The following ABCB10 variants were observed in gnomAD, a reference collection of about 807,000 sequenced individuals.
The protein encoded by ABCB10 is ATP binding cassette subfamily B member 10.
Under a neutral mutation model 65.4 loss-of-function variants are expected in ABCB10, and 54 were observed. The observed-to-expected ratio is 0.83, with a 90% CI of 0.66 to 1.04. ABCB10 has a LOEUF of 1.04. ABCB10 is among the 50% of genes least tolerant of loss of function. The pLI is 0.00. For synonymous variants in ABCB10, 418 were observed against 406.5 expected (o/e 1.03, Z -0.34); for missense variants, 846 against 976.6 (o/e 0.87, Z 1.78).
intron 3 of ABCB10, among the ~76,000 whole-genome samples, chr1:229,543,130 C>CAA (rs35652910): frequency 8.3e-4 from 52 of 62,330 alleles, no homozygotes; most frequent in African/African-American, 2.1e-3. Context: ...AACTCCATCT[C>CAA]AAAAAAAAAA....
At chr1:229,521,776 T>C (rs982520504) in intron 10 of ABCB10, 141 bp from the exon 11 acceptor site, 6 of 728,610 alleles carry the variant, frequency 8.2e-6, no homozygotes, top group Admixed American at 3.1e-5. Context: ...AAACCTATTT[T>C]AAAATATAGG....
intron 6 of ABCB10, among the ~76,000 whole-genome samples, chr1:229,537,827 A>G (rs1662756224): frequency 6.6e-6 from 1 of 152,172 alleles, no homozygotes; most frequent in Non-Finnish European, 1.5e-5. Context: ...ACAAACATAA[A>G]AGCACTTAAA....
chr1:229,547,448 T>C, intron 3 of ABCB10, 51 bp downstream of exon 3: 1 of 1,601,028 alleles, frequency 6.2e-7, no homozygotes, highest in Non-Finnish European at 8.5e-7. Flanking sequence ...AGAGGCCTGG[T>C]GCAAGCCAAG....
At chr1:229,525,656 C>T (rs535756320) in intron 10 of ABCB10, among the ~76,000 whole-genome samples, 3 of 152,202 alleles carry the variant, frequency 2.0e-5, no homozygotes, top group African/African-American at 4.8e-5. Context: ...CTGGCTAACA[C>T]GGTGAAACCC....
In ABCB10 at chr1:229,558,325, C is replaced by T. The variant is rs1663313885; in HGVS notation, c.328G>A (p.Ala110Thr). 4 of 1,252,494 alleles carry T rather than the reference C, an allele frequency of 3.2e-6. No individual in the cohort carries two copies. Among genetic ancestry groups the T allele is most frequent in the African/African-American group, 1.6e-5 (1 of 62,954 alleles). 77.6% of individuals were successfully genotyped at this position (1,252,494 alleles called of 1,614,324 possible). The stretch of plus-strand genomic sequence containing the variant: ...AACCGGGCGCGCGGGAGCCGAGGAG[C>T]GCCTGGCCCGGCAAAAGCCCCGCAC... The part of the protein sequence containing the change: ...CRCGAFAGPG[A>T]PRLPRARFPG... The change falls in exon 1 of 13, where the codon GCT becomes ACT. Residue 110 changes from alanine to threonine, a missense_variant. Around this residue, in one of 2 missense-constraint regions of ABCB10, gnomAD observed 214 missense variants for 173.5 expected, o/e 1.23. Coordinates refer to ENST00000344517, the MANE Select transcript of ABCB10 (RefSeq NM_012089.3).
At chr1:229,539,321 G>T in intron 6 of ABCB10, 135 bp downstream of exon 6, 1 of 1,333,638 alleles carries the variant, frequency 7.5e-7, no homozygotes, top group Non-Finnish European at 1.1e-6. Context: ...TAAAAGCCCA[G>T]TTGGAATAAT....
chr1:229,549,428 A>G lies in ABCB10; in HGVS notation c.524T>C (p.Val175Ala). Residue 175 changes from valine to alanine, a missense_variant, in exon 2 of 13, where the codon GTT (valine) becomes GCT (alanine). Transcript: ENST00000344517. ...AACACTGGACATCGTGAGAAATCCA[A>G]CCGCAGCTAGAAAACACAAGCACTC... Reference protein sequence around the residue: ...YPERRRLAAAVGFLTMSSVIS... With the variant: ...YPERRRLAAAAGFLTMSSVIS... The G allele has an allele frequency of 6.2e-7, 1 of 1,613,532 alleles. No homozygotes were observed. The highest frequency in any genetic ancestry group is 8.5e-7 in the Non-Finnish European group (1 of 1,179,692).
At chr1:229,542,120 A>G in intron 4 of ABCB10, 117 bp downstream of exon 4, 2 of 1,329,598 alleles carry the variant, frequency 1.5e-6, no homozygotes, top group Non-Finnish European at 2.0e-6. Flanking sequence ...TTTCTAATGA[A>G]AGGAAAGGCA....
intron 1 of ABCB10, among the ~76,000 whole-genome samples, chr1:229,557,719 G>C (rs1663291783): frequency 6.6e-6 from 1 of 151,322 alleles, no homozygotes; most frequent in Non-Finnish European, 1.5e-5. Context: ...AGCAAATAAT[G>C]TGTTTTTGGT....
chr1:229,537,650 T>A lies in ABCB10; in HGVS notation c.1339+1806A>T, dbSNP rs1183267064. On this transcript the variant is annotated intron_variant, in intron 6 of 12. Transcript: ENST00000344517. The stretch of plus-strand genomic sequence containing the variant: ...AAAAAAATCCAAAAAATTAGCCAGG[T>A]GTGGCAGCACGTGCCTGTAGTCCCA... 3.3e-5 allele frequency among the ~76,000 whole-genome samples: 5 copies of A among 151,972 alleles called. 1 individual carries two copies. In the South Asian group the frequency reaches 1.0e-3, roughly 32 times the overall value.
chr1:229,521,569 C>T lies in ABCB10; in HGVS notation c.1950+23G>A, dbSNP rs1163892900. The T allele has an allele frequency of 3.2e-6, 5 of 1,574,830 alleles. No individual in the cohort carries two copies. The South Asian group carries it at 4.7e-5, about 15-fold the overall frequency. On this transcript the variant is annotated intron_variant, in intron 11 of 12. Coordinates refer to ENST00000344517, the MANE Select transcript of ABCB10 (RefSeq NM_012089.3). ...TAAAAATAATCCCTAATTTAAAAAA[C>T]ATCCAAGTCGCTTCAGGCTTACCTT...
chr1:229,548,456 C>T (rs1663021000), intron 2 of ABCB10, among the ~76,000 whole-genome samples: 1 of 152,132 alleles, frequency 6.6e-6, no homozygotes, highest in South Asian at 2.1e-4. Flanking sequence ...GAGCAACAGA[C>T]TTCGAGTTGG....
At chr1:229,544,188 C>G (rs899198575) in intron 3 of ABCB10, among the ~76,000 whole-genome samples, 4 of 152,042 alleles carry the variant, frequency 2.6e-5, no homozygotes, top group Non-Finnish European at 5.9e-5. Context: ...CTGAGGCAGG[C>G]GGATCGCTTG....
intron 8 of ABCB10, among the ~76,000 whole-genome samples, chr1:229,528,313 A>AT (rs775596343): frequency 6.7e-6 from 1 of 148,922 alleles, no homozygotes; most frequent in Non-Finnish European, 1.5e-5. Flanking sequence ...CCTAAATAGG[A>AT]TTTTTTTTGG....
chr1:229,529,018 G>A (rs548891650), intron 8 of ABCB10, among the ~76,000 whole-genome samples: 21 of 152,064 alleles, frequency 1.4e-4, no homozygotes, highest in Non-Finnish European at 2.5e-4. Flanking sequence ...CCGGCTGGGC[G>A]CGGTGGCTCA....
chr1:229,519,247 A>G (rs1050326921), intron 11 of ABCB10: 3 of 164,468 alleles, frequency 1.8e-5, no homozygotes, highest in Non-Finnish European at 3.9e-5. Context: ...TTATTTTTTA[A>G]ATGGGCAAAT....
rs117077784 is a variant in ABCB10 at position 229,518,345 on chromosome 1, G to A, written c.2051C>T (p.Thr684Met). 1.9e-5 allele frequency: 30 copies of A among 1,614,130 alleles called. No individual in the cohort carries two copies. The highest frequency in any genetic ancestry group is 1.1e-4 in the East Asian group (5 of 44,894). ...CAGACGATGGGCAATAACTAACACC[G>A]TTCTTCCATCCATCAGTCGATCTAG... Reference protein sequence around the residue: ...EALDRLMDGRTVLVIAHRLST... With the variant: ...EALDRLMDGRMVLVIAHRLST... Residue 684 changes from threonine (T) to methionine (M), a missense_variant, in exon 13 of 13, where the codon ACG becomes ATG. Around this residue, in one of 2 missense-constraint regions of ABCB10, gnomAD observed 632 missense variants for 803.2 expected, o/e 0.79. Transcript: ENST00000344517.
At chr1:229,549,493 G>A in intron 1 of ABCB10, 59 bp from the exon 2 acceptor site, 1 of 1,496,536 alleles carries the variant, frequency 6.7e-7, no homozygotes, top group Non-Finnish European at 9.1e-7. Flanking sequence ...CTGCGGTGCT[G>A]AGTCCAGGAG....
intron 1 of ABCB10, among the ~76,000 whole-genome samples, chr1:229,554,372 T>C (rs949979265): frequency 1.3e-5 from 2 of 152,174 alleles, no homozygotes; most frequent in African/African-American, 2.4e-5. Context: ...CTGTCCATGC[T>C]ATTAGCATGC....
Sources: allele counts gnomAD v4.1 joint callset (sites outside exome capture counted in the v4.1 genomes callset), GRCh38; gene constraint gnomAD v4.1.1; regional missense constraint gnomAD v4.1.1; transcripts MANE v1.5; gene names NCBI Gene and HGNC (gene_info 2026-07-23, HGNC 2026-07-21).